Variants in TAFA1 observed in about 807,000 individuals in gnomAD.
The protein encoded by TAFA1 is TAFA chemokine like family member 1, also known as chemokine-like protein TAFA-1.
A neutral mutation model predicts 18.5 loss-of-function variants in TAFA1; 4 were observed. That is an observed-to-expected ratio of 0.22 (90% CI 0.11 to 0.49). TAFA1 has a LOEUF of 0.49. Ranked by LOEUF, TAFA1 falls within the 20% of genes least tolerant of loss-of-function variation. The pLI, the probability that TAFA1 is intolerant of heterozygous loss-of-function variation, is 0.98. For synonymous variants in TAFA1, 56 were observed against 55.2 expected, an observed-to-expected ratio of 1.01 and a Z score of -0.06; for missense variants, 147 against 169.0, an observed-to-expected ratio of 0.87 and a Z score of 0.72.
intron 2 of TAFA1, among the ~76,000 whole-genome samples, chr3:68,385,436 CT>C (rs2070074388): frequency 6.6e-6 from 1 of 152,026 alleles, no homozygotes; most frequent in Non-Finnish European, 1.5e-5. Context: ...ACCTGAAGAC[CT>C]AGATTTGAAT....
chr3:68,391,521 T>C (rs988822161), intron 2 of TAFA1, among the ~76,000 whole-genome samples: 2 of 152,194 alleles, frequency 1.3e-5, no homozygotes, highest in Non-Finnish European at 2.9e-5. Flanking sequence ...ACCACAAAGA[T>C]AATCCTCAAG....
At chr3:68,055,580 T>C (rs1485542747) in intron 2 of TAFA1, among the ~76,000 whole-genome samples, 1 of 152,042 alleles carries the variant, frequency 6.6e-6, no homozygotes, top group East Asian at 1.9e-4. Context: ...GGACAGATCT[T>C]GAGGAAGGCA....
rs751875464 is a variant in TAFA1, at chr3:68,106,174, C to A, written c.118+99430C>A. ...GAATTCATATGCAAAAAAAAAAGAA[C>A]GAACGAAACCACAAACAAATACTCT... On this transcript the variant is annotated intron_variant, in intron 2 of 4. Coordinates refer to ENST00000478136, the MANE Select transcript of TAFA1 (RefSeq NM_213609.4). Among the ~76,000 whole-genome samples, 100 of 151,288 alleles carry A rather than the reference C, an allele frequency of 6.6e-4. 2 individuals are homozygous for A. The highest frequency in any genetic ancestry group is 2.2e-4 in the Non-Finnish European group (15 of 67,838).
chr3:68,403,571 C>T lies in TAFA1; in HGVS notation c.119-13709C>T, dbSNP rs76144798. ...TTTGAAATGGCTGGAAATTGTGACACATAAAAATCACACAAATTCAAGTTT... is the reference window on the plus strand; with the variant it reads ...TTTGAAATGGCTGGAAATTGTGACATATAAAAATCACACAAATTCAAGTTT... On this transcript the variant is annotated intron_variant, in intron 2 of 4. Coordinates refer to ENST00000478136, the MANE Select transcript of TAFA1 (RefSeq NM_213609.4). 4.0e-3 allele frequency among the ~76,000 whole-genome samples: 614 copies of T among 152,306 alleles called. 9 individuals carry two copies. Among genetic ancestry groups the T allele is most frequent in the African/African-American group, 0.014 (589 of 41,572 alleles).
intron 3 of TAFA1, among the ~76,000 whole-genome samples, chr3:68,450,266 A>G (rs2071549887): frequency 2.0e-5 from 3 of 152,224 alleles, no homozygotes. Flanking sequence ...CATTCAACTA[A>G]AAGACTAGGA....
At chr3:68,095,036 G>T (rs2065071656) in intron 2 of TAFA1, among the ~76,000 whole-genome samples, 1 of 152,170 alleles carries the variant, frequency 6.6e-6, no homozygotes, top group African/African-American at 2.4e-5. Context: ...GAAATGGCCT[G>T]TGACCCTCTC....
chr3:68,198,057 G>A (rs1364751570), intron 2 of TAFA1, among the ~76,000 whole-genome samples: 5 of 151,596 alleles, frequency 3.3e-5, no homozygotes, highest in Admixed American at 1.3e-4. Context: ...GGTATTAGTC[G>A]TTAAAAATGA....
intron 2 of TAFA1, among the ~76,000 whole-genome samples, chr3:68,195,994 A>G (rs2066405622): frequency 6.6e-6 from 1 of 151,518 alleles, no homozygotes; most frequent in Non-Finnish European, 1.5e-5. Context: ...TTCTGGTCTC[A>G]ATAGCATCAG....
intron 2 of TAFA1, among the ~76,000 whole-genome samples, chr3:68,395,942 A>G (rs1288569017): frequency 6.6e-6 from 1 of 151,276 alleles, no homozygotes; most frequent in Non-Finnish European, 1.5e-5. Flanking sequence ...TTAAAGTATA[A>G]TAATAATAAT....
chr3:68,265,197 C>G (rs2067519658), intron 2 of TAFA1, among the ~76,000 whole-genome samples: 1 of 152,168 alleles, frequency 6.6e-6, no homozygotes, highest in South Asian at 2.1e-4. Flanking sequence ...TTCTGAGGCT[C>G]TGATCCCTTA....
In TAFA1 at chr3:68,066,132, T is replaced by A. The variant is rs139622554; in HGVS notation, c.118+59388T>A. Among the ~76,000 whole-genome samples the A allele has an allele frequency of 1.8e-3, 274 of 152,252 alleles. 2 individuals are homozygous for A. The highest frequency in any genetic ancestry group is 6.3e-3 in the African/African-American group (260 of 41,564). On this transcript the variant is annotated intron_variant, in intron 2 of 4. Coordinates refer to ENST00000478136, the MANE Select transcript of TAFA1 (RefSeq NM_213609.4). The stretch of plus-strand genomic sequence containing the variant: ...AATTCTCTTGATTGTAGTGATGGTT[T>A]CACAGGTGAATGCATATATCAAAAT...
At chr3:68,471,088 G>A (rs1432847195) in intron 3 of TAFA1, among the ~76,000 whole-genome samples, 2 of 152,208 alleles carry the variant, frequency 1.3e-5, no homozygotes, top group African/African-American at 4.8e-5. Flanking sequence ...GCTTCAGAGG[G>A]TGCAAGTCCA....
At chr3:68,076,672 G>A (rs2064829521) in intron 2 of TAFA1, among the ~76,000 whole-genome samples, 1 of 152,268 alleles carries the variant, frequency 6.6e-6, no homozygotes, top group African/African-American at 2.4e-5. Flanking sequence ...ATTCCATGGT[G>A]TATATGTGCC....
intron 2 of TAFA1, among the ~76,000 whole-genome samples, chr3:68,353,173 A>AT (rs1405387096): frequency 1.3e-5 from 2 of 151,936 alleles, no homozygotes; most frequent in East Asian, 3.9e-4. Flanking sequence ...CCCAACTCTG[A>AT]TTTTTCATTC....
chr3:68,162,484 C>A (rs764293926), intron 2 of TAFA1, among the ~76,000 whole-genome samples: 3 of 152,146 alleles, frequency 2.0e-5, no homozygotes, highest in Non-Finnish European at 2.9e-5. Context: ...CTGCCGCTCA[C>A]CTCCATGGAC....
At chr3:68,229,101 G>T (rs140259888) in intron 2 of TAFA1, among the ~76,000 whole-genome samples, 1 of 152,158 alleles carries the variant, frequency 6.6e-6, no homozygotes, top group Admixed American at 6.5e-5. Flanking sequence ...TCAAATTCAA[G>T]AAATCTTGGC....
At chr3:68,006,832 C>G in intron 2 of TAFA1, 88 bp downstream of exon 2, 1 of 987,456 alleles carries the variant, frequency 1.0e-6, no homozygotes, top group Non-Finnish European at 1.6e-6. Context: ...ACATAAAGTG[C>G]TATAGTGTGG....
chr3:68,437,833 A>G (rs1026047905), intron 3 of TAFA1, among the ~76,000 whole-genome samples: 2 of 152,138 alleles, frequency 1.3e-5, no homozygotes, highest in African/African-American at 2.4e-5. Flanking sequence ...TCCTTCTCGC[A>G]TACAAATATA....
chr3:68,226,688 C>G (rs994613510), intron 2 of TAFA1, among the ~76,000 whole-genome samples: 7 of 152,134 alleles, frequency 4.6e-5, no homozygotes, highest in Non-Finnish European at 1.0e-4. Context: ...ACTTAAGACT[C>G]TCAACCACCC....
Sources: allele counts gnomAD v4.1 joint callset (sites outside exome capture counted in the v4.1 genomes callset), GRCh38; gene constraint gnomAD v4.1.1; transcripts MANE v1.5; gene names NCBI Gene and HGNC (gene_info 2026-07-23, HGNC 2026-07-21).